SDK1: variants seen among roughly 807,000 people sequenced by gnomAD.
SDK1 encodes protein sidekick-1.
In SDK1, 157 loss-of-function variants were observed where a neutral mutation model predicts 245.5. That is an observed-to-expected ratio of 0.64 (90% CI 0.56 to 0.73). SDK1 has a LOEUF of 0.73. Ranked by LOEUF, SDK1 falls within the 30% of genes least tolerant of loss-of-function variation. The pLI, the probability that SDK1 is intolerant of heterozygous loss-of-function variation, is 0.00. For synonymous variants in SDK1, 1,647 were observed against 1,278.5 expected, an observed-to-expected ratio of 1.29 and a Z score of -6.15; for missense variants, 3,583 against 3,002.3, an observed-to-expected ratio of 1.19 and a Z score of -4.52.
intron 28 of SDK1, among the ~76,000 whole-genome samples, chr7:4,141,080 A>G (rs1429174003): frequency 6.6e-6 from 1 of 152,218 alleles, no homozygotes; most frequent in Non-Finnish European, 1.5e-5. Context: ...GAGAGAGGCA[A>G]GGACCACACA....
chr7:3,663,283 A>T (rs971891987), intron 4 of SDK1, among the ~76,000 whole-genome samples: 1 of 152,332 alleles, frequency 6.6e-6, no homozygotes, highest in Non-Finnish European at 1.5e-5. Context: ...AGAAATGAAC[A>T]TCCATGTTTT....
intron 1 of SDK1, among the ~76,000 whole-genome samples, chr7:3,485,682 G>GTTTTTTTTTTTTTTTTTTTTTT (rs1562515905): frequency 3.2e-5 from 1 of 30,970 alleles, no homozygotes; most frequent in Non-Finnish European, 6.3e-5. Context: ...ATCTTTGGAG[G>GTTTTTTTTTTTTTTTTTTTTTT]GTTTTTTTTT....
intron 1 of SDK1, among the ~76,000 whole-genome samples, chr7:3,599,689 G>T (rs1781192962): frequency 6.6e-6 from 1 of 152,092 alleles, no homozygotes; most frequent in Non-Finnish European, 1.5e-5. Flanking sequence ...GTATTCAATT[G>T]CCTAGCATCA....
chr7:4,234,684 C>T (rs1306471587), intron 41 of SDK1, among the ~76,000 whole-genome samples: 1 of 152,216 alleles, frequency 6.6e-6, no homozygotes, highest in African/African-American at 2.4e-5. Context: ...GTTAAACACA[C>T]ACCCTCGCTG....
chr7:3,713,081 G>A (rs559963009), intron 4 of SDK1, among the ~76,000 whole-genome samples: 6 of 152,328 alleles, frequency 3.9e-5, no homozygotes, highest in African/African-American at 9.6e-5. Context: ...CAGGTGCTGC[G>A]TCCCTGGAGA....
chr7:3,863,710 C>G (rs1379045124), intron 5 of SDK1, among the ~76,000 whole-genome samples: 1 of 152,224 alleles, frequency 6.6e-6, no homozygotes, highest in African/African-American at 2.4e-5. Context: ...TGACTGGCTT[C>G]TTTCACTCAG....
Position 4,174,274 on chromosome 7 carries a change from A to T in SDK1, c.4853A>T (p.Tyr1618Phe), listed in dbSNP as rs1233224034. 1 of 1,613,572 alleles carries T rather than the reference A, an allele frequency of 6.2e-7. No homozygotes were observed. The highest frequency in any genetic ancestry group is 1.7e-5 in the Admixed American group (1 of 59,994). ...CTTCTTCAGGGATACAGGATCTACT[A>T]CAGGGAGCTGGAGTATGAAGCCGGG... ...NGLLQGYRIY[Y>F]RELEYEAGSG... Residue 1618 changes from tyrosine (Y) to phenylalanine (F), a missense_variant, in exon 33 of 45, where the codon TAC (tyrosine) becomes TTC (phenylalanine). Tyr to Phe is a conservative substitution (Grantham distance 22). Coordinates refer to ENST00000404826, the MANE Select transcript of SDK1 (RefSeq NM_152744.4).
chr7:3,790,034 T>C (rs558524345), intron 4 of SDK1, among the ~76,000 whole-genome samples: 18 of 152,146 alleles, frequency 1.2e-4, no homozygotes, highest in Non-Finnish European at 2.1e-4. Flanking sequence ...GAGGACCAAA[T>C]AGTTATTCAG....
chr7:3,576,173 T>G (rs1412340410), intron 1 of SDK1, among the ~76,000 whole-genome samples: 1 of 152,148 alleles, frequency 6.6e-6, no homozygotes, highest in Non-Finnish European at 1.5e-5. Flanking sequence ...GCTTTGGATC[T>G]CTTAAGGGAT....
intron 1 of SDK1, among the ~76,000 whole-genome samples, chr7:3,482,278 C>T (rs971747260): frequency 6.6e-6 from 1 of 152,076 alleles, no homozygotes; most frequent in Non-Finnish European, 1.5e-5. Flanking sequence ...CAAGAGAAGA[C>T]GGAATTGGCA....
chr7:4,124,030 G>A (rs1784230621), intron 25 of SDK1, among the ~76,000 whole-genome samples: 1 of 152,238 alleles, frequency 6.6e-6, no homozygotes, highest in African/African-American at 2.4e-5. Flanking sequence ...CTCGCGTCCT[G>A]AGGCTTAGTC....
chr7:4,149,382 A>G lies in SDK1; in HGVS notation c.4544A>G (p.Gln1515Arg). 1.3e-6 allele frequency: 2 copies of G among 1,589,338 alleles called. No individual in the cohort carries two copies. Among genetic ancestry groups the G allele is most frequent in the East Asian group, 4.7e-5 (2 of 42,678 alleles). The part of the protein sequence containing the change: ...GASPIRYFTM[Q>R]VRELPRGEWQ... Reference sequence around the variant, plus strand: ...TCCCCCATCCGGTACTTCACCATGCAGGTGCGAGAGCTGCCTCGGGGTGAG... The same window carrying G: ...TCCCCCATCCGGTACTTCACCATGCGGGTGCGAGAGCTGCCTCGGGGTGAG... The change falls in exon 30 of 45, where the codon CAG becomes CGG. Residue 1515 changes from glutamine to arginine, a missense_variant. Physicochemically the swap from Gln to Arg is conservative, Grantham distance 43 (BLOSUM62 1). Coordinates refer to ENST00000404826, the MANE Select transcript of SDK1 (RefSeq NM_152744.4).
chr7:4,145,588 G>A (rs1412254215), intron 28 of SDK1, 134 bp from the exon 29 acceptor site: 3 of 749,988 alleles, frequency 4.0e-6, no homozygotes, highest in East Asian at 2.8e-5. Flanking sequence ...CCCTTTCAGT[G>A]CACAGGCAGT....
chr7:3,589,801 A>G (rs1378830944), intron 1 of SDK1, among the ~76,000 whole-genome samples: 1 of 152,242 alleles, frequency 6.6e-6, no homozygotes, highest in African/African-American at 2.4e-5. Context: ...TGGGAGCTGC[A>G]ATTCAAGATG....
chr7:4,133,909 C>T (rs992156356), intron 28 of SDK1, among the ~76,000 whole-genome samples: 1 of 152,178 alleles, frequency 6.6e-6, no homozygotes, highest in African/African-American at 2.4e-5. Context: ...GTAAAATTCA[C>T]CACTTTTGCC....
intron 1 of SDK1, among the ~76,000 whole-genome samples, chr7:3,545,802 T>A (rs1260736893): frequency 6.6e-6 from 1 of 152,196 alleles, no homozygotes; most frequent in Non-Finnish European, 1.5e-5. Context: ...AGCGAAAGGG[T>A]AATCAAATAG....
chr7:3,327,344 G>A (rs1779963100), intron 1 of SDK1, among the ~76,000 whole-genome samples: 2 of 152,124 alleles, frequency 1.3e-5, no homozygotes, highest in Non-Finnish European at 2.9e-5. Flanking sequence ...CAAGGAAGAA[G>A]CTGCTAATTA....
chr7:3,598,863 T>C lies in SDK1; in HGVS notation c.299-20217T>C, dbSNP rs932982889. Among the ~76,000 whole-genome samples the C allele has an allele frequency of 8.4e-5, 11 of 130,862 alleles. No individual in the cohort carries two copies. In the South Asian group the frequency reaches 1.1e-3, roughly 14 times the overall value. 85.9% of individuals were successfully genotyped at this position (130,862 alleles called of 152,430 possible). Reference sequence around the variant, plus strand: ...TAACAGTTTGTATACCATTCACCTTTTGAAGGACGTGGGCTGTATTTAGCT... The same window carrying C: ...TAACAGTTTGTATACCATTCACCTTCTGAAGGACGTGGGCTGTATTTAGCT... On this transcript the variant is annotated intron_variant, in intron 1 of 44. Coordinates refer to ENST00000404826, the MANE Select transcript of SDK1 (RefSeq NM_152744.4).
At chr7:3,920,803 T>C (rs184795138) in intron 5 of SDK1, among the ~76,000 whole-genome samples, 27 of 152,118 alleles carry the variant, frequency 1.8e-4, no homozygotes, top group African/African-American at 6.3e-4. Flanking sequence ...TAGATGGCAT[T>C]GCATGGGACA....
Sources: gnomAD v4.1 joint callset for allele counts (sites outside exome capture counted in the v4.1 genomes callset) on GRCh38, gnomAD v4.1.1 for gene constraint, MANE v1.5 for transcripts, NCBI Gene and HGNC (gene_info 2026-07-23, HGNC 2026-07-21) for gene names.